The following PDE5A variants were observed in gnomAD, a reference collection of about 807,000 sequenced individuals.
The protein encoded by PDE5A is phosphodiesterase 5A, also known as cGMP-specific 3',5'-cyclic phosphodiesterase.
Under a neutral mutation model 110.2 loss-of-function variants are expected in PDE5A, and 67 were observed. The ratio of observed to expected loss-of-function variants is 0.61; its 90% CI spans 0.50 to 0.75. The LOEUF (loss-of-function observed/expected upper bound fraction) is 0.75. Ranked by LOEUF, PDE5A falls within the 30% of genes least tolerant of loss-of-function variation. The pLI is 0.00. For missense variants in PDE5A, 862 were observed against 1,045.1 expected, an observed-to-expected ratio of 0.82 and a Z score of 2.42; for synonymous variants, 328 against 351.2, an observed-to-expected ratio of 0.93 and a Z score of 0.74.
chr4:119,503,598 A>G (rs1274641912), intron 18 of PDE5A, among the ~76,000 whole-genome samples: 4 of 152,154 alleles, frequency 2.6e-5, no homozygotes, highest in Non-Finnish European at 4.4e-5. Flanking sequence ...TTAAGAAACA[A>G]GTAAGCCAGA....
chr4:119,619,668 G>T (rs1560645901), intron 1 of PDE5A, among the ~76,000 whole-genome samples: 2 of 152,192 alleles, frequency 1.3e-5, no homozygotes, highest in Non-Finnish European at 2.9e-5. Flanking sequence ...GCCTATCAAA[G>T]TTTGTGATTA....
rs1416247180 is a variant in PDE5A at position 119,562,851 on chromosome 4, T to G, written c.1113A>C (p.Ile371=). ...TACTCACGGAGCAATCTTCATCCAC[T>G]ATGAAAATGGTGCATTTCTGCACTT... ...FMQVQKCTIF[I]VDEDCSDSFS... is the part of the protein sequence containing the mutation. The change falls in exon 6 of 21, where the codon ATA becomes ATC. Residue 371 remains isoleucine, a synonymous_variant. Transcript: ENST00000354960. 1.3e-6 allele frequency: 2 copies of G among 1,577,448 alleles called. No homozygotes were observed. Among genetic ancestry groups the G allele is most frequent in the Admixed American group, 3.9e-5 (2 of 51,288 alleles).
intron 3 of PDE5A, among the ~76,000 whole-genome samples, chr4:119,575,679 G>C (rs1003997591): frequency 4.6e-5 from 7 of 152,282 alleles, no homozygotes; most frequent in Non-Finnish European, 1.0e-4. Flanking sequence ...AAGACCTCCT[G>C]AAGGAAGCAC....
chr4:119,595,102 G>A (rs1729108535), intron 3 of PDE5A, among the ~76,000 whole-genome samples: 2 of 152,042 alleles, frequency 1.3e-5, no homozygotes, highest in Non-Finnish European at 2.9e-5. Flanking sequence ...TCTGAATCAT[G>A]GTGCATGCAG....
intron 3 of PDE5A, among the ~76,000 whole-genome samples, chr4:119,573,998 A>T (rs1043911627): frequency 1.3e-5 from 2 of 152,134 alleles, no homozygotes; most frequent in African/African-American, 4.8e-5. Context: ...TTAATCCTTG[A>T]CATAATTCTT....
At chr4:119,545,760 G>C (rs1727109843) in intron 9 of PDE5A, among the ~76,000 whole-genome samples, 1 of 152,044 alleles carries the variant, frequency 6.6e-6, no homozygotes, top group African/African-American at 2.4e-5. Context: ...CTGGCTCTTT[G>C]GCAGAACAGG....
rs150944605 is a variant in PDE5A, at chr4:119,570,142, A to G, written c.832-2998T>C. On this transcript the variant is annotated intron_variant, in intron 3 of 20. Transcript: ENST00000354960. Reference sequence around the variant, plus strand: ...CAATAAAAGACAAATTAACAGTTTAATTCTGACTTTAAGGATCCTGAGCAA... The same window carrying G: ...CAATAAAAGACAAATTAACAGTTTAGTTCTGACTTTAAGGATCCTGAGCAA... Among the ~76,000 whole-genome samples, 852 of 152,334 alleles carry G rather than the reference A, an allele frequency of 5.6e-3. 2 individuals are homozygous for G. Among genetic ancestry groups the G allele is most frequent in the Non-Finnish European group, 9.0e-3 (610 of 68,020 alleles).
chr4:119,539,723 T>C (rs1211623389), intron 10 of PDE5A, among the ~76,000 whole-genome samples: 2 of 152,150 alleles, frequency 1.3e-5, no homozygotes, highest in Non-Finnish European at 2.9e-5. Flanking sequence ...TCCTAACCTA[T>C]ACACGTTCCA....
At chr4:119,576,309 C>G (rs1014038817) in intron 3 of PDE5A, among the ~76,000 whole-genome samples, 1 of 152,154 alleles carries the variant, frequency 6.6e-6, no homozygotes, top group Admixed American at 6.5e-5. Flanking sequence ...ATATCCAGGA[C>G]TTGAACTCAG....
intron 16 of PDE5A, among the ~76,000 whole-genome samples, chr4:119,506,315 TG>T (rs2110457559): frequency 6.6e-6 from 1 of 151,944 alleles, no homozygotes; most frequent in African/African-American, 2.4e-5. Context: ...ATTTATTTCA[TG>T]GTAGGGGATA....
chr4:119,623,404 C>A (rs991767543), intron 1 of PDE5A, among the ~76,000 whole-genome samples: 1 of 152,010 alleles, frequency 6.6e-6, no homozygotes, highest in African/African-American at 2.4e-5. Flanking sequence ...TTTTTTTATC[C>A]TAGGAAGAGG....
rs114485051 is a variant in PDE5A at position 119,563,873 on chromosome 4, A to C, written c.994-903T>G. On this transcript the variant is annotated intron_variant, in intron 5 of 20. Transcript: ENST00000354960. The stretch of plus-strand genomic sequence containing the variant: ...GAACATTGCAGTTAAAGTCAATGGA[A>C]GGTCCCATATCTTATTAACACAGAT... 3.2e-3 allele frequency among the ~76,000 whole-genome samples: 494 copies of C among 152,290 alleles called. 3 individuals carry two copies. The highest frequency in any genetic ancestry group is 0.012 in the African/African-American group (483 of 41,564).
chr4:119,497,228 A>C lies in PDE5A; in HGVS notation c.*1373T>G, dbSNP rs200888017. ...ACAAATCAAGCAAATCTCTCCTTCT[A>C]CTCTCCCCAAATCCAAACATTCCTG... On this transcript the variant is annotated 3_prime_UTR_variant, in exon 21 of 21. Coordinates refer to ENST00000354960, the MANE Select transcript of PDE5A (RefSeq NM_001083.4). The C allele has an allele frequency of 6.6e-6, 1 of 151,572 alleles. No individual in the cohort carries two copies. The highest frequency in any genetic ancestry group is 2.4e-5 in the African/African-American group (1 of 41,200). The allele number at this position is 151,572 out of a possible 1,614,324, so 9.4% of individuals were successfully genotyped here. A position where few individuals can be genotyped will look rare whatever the true frequency, so the allele number is the denominator to read the frequency against.
At chr4:119,541,334 T>C (rs2110486001) in intron 10 of PDE5A, among the ~76,000 whole-genome samples, 1 of 151,464 alleles carries the variant, frequency 6.6e-6, no homozygotes, top group East Asian at 1.9e-4. Context: ...AACACATATA[T>C]AGATATATGT....
At chr4:119,612,182 T>A (rs912235080) in intron 1 of PDE5A, among the ~76,000 whole-genome samples, 1 of 152,196 alleles carries the variant, frequency 6.6e-6, no homozygotes, top group African/African-American at 2.4e-5. Context: ...CCCTCATAAA[T>A]AGGATTAGTG....
rs368860629 is a variant in PDE5A, at chr4:119,519,011, A to C, written c.2000+34T>G. 1.9e-5 allele frequency: 28 copies of C among 1,498,884 alleles called. No homozygotes were observed. The African/African-American group carries it at 3.6e-4, about 19-fold the overall frequency. The allele number at this position is 1,498,884 out of a possible 1,614,324, so 92.8% of individuals were successfully genotyped here. A position where few individuals can be genotyped will look rare whatever the true frequency, so the allele number is the denominator to read the frequency against. On this transcript the variant is annotated intron_variant, in intron 14 of 20. Transcript: ENST00000354960. ...AAAAAGACAGCCCTACAATTAAAAG[A>C]AAACATTTTCTTGCTTTACTGGGAA...
At chr4:119,506,695 T>A (rs925262880) in intron 16 of PDE5A, among the ~76,000 whole-genome samples, 1 of 151,938 alleles carries the variant, frequency 6.6e-6, no homozygotes, top group Non-Finnish European at 1.5e-5. Context: ...AATTTGATAA[T>A]CCTTATTCTG....
chr4:119,512,880 A>G (rs1019177371), intron 14 of PDE5A: 1 of 152,140 alleles, frequency 6.6e-6, no homozygotes, highest in African/African-American at 2.4e-5. Context: ...TAGATTTGGA[A>G]TGCACCAACA....
chr4:119,581,828 C>T (rs1401790046), intron 3 of PDE5A, among the ~76,000 whole-genome samples: 2 of 152,188 alleles, frequency 1.3e-5, no homozygotes, highest in Non-Finnish European at 2.9e-5. Context: ...ACTGTAATTT[C>T]TTAAGTGTGC....
Sources: allele counts gnomAD v4.1 joint callset (sites outside exome capture counted in the v4.1 genomes callset), GRCh38; gene constraint gnomAD v4.1.1; transcripts MANE v1.5; gene names NCBI Gene and HGNC (gene_info 2026-07-23, HGNC 2026-07-21).